The following SLC2A14 variants were observed in gnomAD, a reference collection of about 807,000 sequenced individuals.
SLC2A14 encodes the protein solute carrier family 2 member 14.
Under a neutral mutation model 43.0 loss-of-function variants are expected in SLC2A14, and 13 were observed. That is an observed-to-expected ratio of 0.30 (90% CI 0.20 to 0.48). The LOEUF is 0.48. Among genes scored for constraint, SLC2A14 ranks in the 20% least tolerant of loss-of-function variants. The pLI, the probability that SLC2A14 is intolerant of heterozygous loss-of-function variation, is 0.99. For synonymous variants in SLC2A14, 190 were observed against 233.8 expected, an observed-to-expected ratio of 0.81 and a Z score of 1.71; for missense variants, 428 against 620.4, an observed-to-expected ratio of 0.69 and a Z score of 3.29.
In SLC2A14 at chr12:7,832,740, G is replaced by A; in HGVS notation, c.93C>T (p.Val31=). Residue 31 remains valine, a synonymous_variant, in exon 3 of 11, where the codon GTC becomes GTT. Transcript: ENST00000431042. ...GSFQFGYNTG[V]INAPETIIKE... Reference sequence around the variant, plus strand: ...CACTCACCGTCTCAGGAGCATTGATGACCCCAGTGTTGTAGCCAAACTGGA... The same window carrying A: ...CACTCACCGTCTCAGGAGCATTGATAACCCCAGTGTTGTAGCCAAACTGGA... 6.2e-7 allele frequency: 1 copy of A among 1,614,042 alleles called. No individual in the cohort carries two copies. The highest frequency in any genetic ancestry group is 8.5e-7 in the Non-Finnish European group (1 of 1,179,968).
At chr12:7,843,539 CCT>C (rs1866179995) in intron 2 of SLC2A14, among the ~76,000 whole-genome samples, 1 of 137,266 alleles carries the variant, frequency 7.3e-6, no homozygotes. Flanking sequence ...TAAAGACCCC[CCT>C]CCTCCCCAAA....
intron 2 of SLC2A14, among the ~76,000 whole-genome samples, chr12:7,841,690 G>A (rs1365360648): frequency 6.6e-6 from 1 of 151,952 alleles, no homozygotes; most frequent in Admixed American, 6.6e-5. Context: ...GATATCATAC[G>A]GAACAGCTTT....
At chr12:7,871,926 G>A in intron 1 of SLC2A14, 19 of 984,052 alleles carry the variant, frequency 1.9e-5, no homozygotes, top group Non-Finnish European at 2.3e-5. Flanking sequence ...TGTCCCAGGG[G>A]AGGCAGAATC....
In SLC2A14 at chr12:7,828,884, A is replaced by T; in HGVS notation, c.514-18T>A. 6.2e-7 allele frequency: 1 copy of T among 1,611,984 alleles called. No individual in the cohort carries two copies. Among genetic ancestry groups the T allele is most frequent in the Non-Finnish European group, 8.5e-7 (1 of 1,178,936 alleles). ...CCAAAGATCTAGAAACCACACAAAGATAATGCTATAAACCCCATACTTCAC... is the reference window on the plus strand; with the variant it reads ...CCAAAGATCTAGAAACCACACAAAGTTAATGCTATAAACCCCATACTTCAC... On this transcript the variant is annotated intron_variant, in intron 5 of 10. Coordinates refer to ENST00000431042, the MANE Select transcript of SLC2A14 (RefSeq NM_001286234.2).
chr12:7,853,531 C>A (rs916144272), intron 2 of SLC2A14, among the ~76,000 whole-genome samples: 3 of 151,582 alleles, frequency 2.0e-5, no homozygotes, highest in Non-Finnish European at 4.4e-5. Context: ...ACCCAGGAGA[C>A]AGAGGTTGCA....
chr12:7,818,490 G>A (rs1364237611), intron 9 of SLC2A14, among the ~76,000 whole-genome samples: 1 of 152,168 alleles, frequency 6.6e-6, no homozygotes, highest in Non-Finnish European at 1.5e-5. Context: ...GTGAAACCCT[G>A]TCTCTACTAA....
Position 7,821,214 on chromosome 12 carries a change from A to C in SLC2A14, c.969+7T>G, listed in dbSNP as rs1477100066. ...TCCCCCCAAAATTATCAAACCATCC[A>C]ACTTACAGAAAGTAAAGTGAAGATA... On this transcript the variant is annotated splice_region_variant and intron_variant, in intron 8 of 10. Coordinates refer to ENST00000431042, the MANE Select transcript of SLC2A14 (RefSeq NM_001286234.2). 6.2e-7 allele frequency: 1 copy of C among 1,608,968 alleles called. No homozygotes were observed.
At chr12:7,873,584 T>A (rs377152939), upstream of SLC2A14, 4 of 154,108 alleles carry the variant, frequency 2.6e-5, no homozygotes, top group African/African-American at 9.7e-5. Flanking sequence ...GAGGTTACAG[T>A]GAGCTGAACT....
chr12:7,828,413 T>C (rs1592176000), intron 6 of SLC2A14, among the ~76,000 whole-genome samples: 3 of 148,332 alleles, frequency 2.0e-5, no homozygotes, highest in African/African-American at 7.5e-5. Context: ...GTGGTGGTGG[T>C]GGCACATGCC....
At chr12:7,855,873 G>C (rs1231638359) in intron 2 of SLC2A14, among the ~76,000 whole-genome samples, 1 of 150,642 alleles carries the variant, frequency 6.6e-6, no homozygotes, top group Non-Finnish European at 1.5e-5. Context: ...CTGACCTCGT[G>C]ATCTGCCCGC....
chr12:7,823,382 CAAA>C (rs58264594), intron 7 of SLC2A14, among the ~76,000 whole-genome samples: 1 of 134,136 alleles, frequency 7.5e-6, no homozygotes, highest in Admixed American at 7.7e-5. Flanking sequence ...GACTCCATAT[CAAA>C]AAAAAAAAAG....
chr12:7,881,795 C>A (rs1945578909), intron 1 of SLC2A14, among the ~76,000 whole-genome samples: 1 of 152,172 alleles, frequency 6.6e-6, no homozygotes, highest in Non-Finnish European at 1.5e-5. Flanking sequence ...TGTAAATACA[C>A]CAATCGGCAC....
chr12:7,825,262 A>C (rs934969846), intron 7 of SLC2A14, among the ~76,000 whole-genome samples: 1 of 136,522 alleles, frequency 7.3e-6, no homozygotes, highest in African/African-American at 2.7e-5. Flanking sequence ...GGAGTTCAAG[A>C]CCAGACTGGT....
intron 2 of SLC2A14, among the ~76,000 whole-genome samples, chr12:7,866,224 C>CAAAAAAAAA: frequency 1.1e-5 from 1 of 93,612 alleles, no homozygotes; most frequent in Non-Finnish European, 2.1e-5. Flanking sequence ...GACTCTGTCT[C>CAAAAAAAAA]AAAAAAAAAA....
intron 2 of SLC2A14, among the ~76,000 whole-genome samples, chr12:7,856,839 A>T (rs1178061576): frequency 6.8e-6 from 1 of 146,220 alleles, no homozygotes; most frequent in Admixed American, 6.9e-5. Flanking sequence ...ATGAATGCTA[A>T]TTTTTTTTTT....
chr12:7,861,098 G>C (rs1211199867), intron 2 of SLC2A14, among the ~76,000 whole-genome samples: 3 of 151,988 alleles, frequency 2.0e-5, no homozygotes, highest in African/African-American at 7.2e-5. Flanking sequence ...GGCATCAACT[G>C]TTTTCATAAA....
chr12:7,843,885 A>C (rs1174564602), intron 2 of SLC2A14, among the ~76,000 whole-genome samples: 1 of 151,046 alleles, frequency 6.6e-6, no homozygotes, highest in Non-Finnish European at 1.5e-5. Context: ...GTTAGAATGC[A>C]AACATTTCAA....
intron 2 of SLC2A14, among the ~76,000 whole-genome samples, chr12:7,866,944 G>GT (rs1321770731): frequency 0.014 from 2,020 of 143,046 alleles, 39 homozygotes; most frequent in African/African-American, 0.042. Context: ...GACTTTCATG[G>GT]TTTTTTTTTT....
chr12:7,883,203 C>T (rs957101250), intron 1 of SLC2A14, among the ~76,000 whole-genome samples: 3 of 151,370 alleles, frequency 2.0e-5, no homozygotes, highest in South Asian at 2.1e-4. Context: ...AAGCAAGTCT[C>T]AGTCTCAAAA....
Sources: gnomAD v4.1 joint callset for allele counts (sites outside exome capture counted in the v4.1 genomes callset) on GRCh38, gnomAD v4.1.1 for gene constraint, MANE v1.5 for transcripts, NCBI Gene and HGNC (gene_info 2026-07-23, HGNC 2026-07-21) for gene names.